Variants in NUP37 observed in about 807,000 individuals in gnomAD.
The protein encoded by NUP37 is nucleoporin 37.
In NUP37, 33 loss-of-function variants were observed where a neutral mutation model predicts 45.4. The ratio of observed to expected loss-of-function variants is 0.73; its 90% CI spans 0.55 to 0.97. The LOEUF is 0.97. Ranked by LOEUF, NUP37 falls within the 50% of genes least tolerant of loss-of-function variation. The pLI, the probability that NUP37 is intolerant of heterozygous loss-of-function variation, is 0.00. For missense variants in NUP37, 365 were observed against 389.7 expected (o/e 0.94, Z 0.53); for synonymous variants, 127 against 130.7 (o/e 0.97, Z 0.19).
At chr12:102,108,097 T>C (rs996686923) in intron 3 of NUP37, among the ~76,000 whole-genome samples, 2 of 152,120 alleles carry the variant, frequency 1.3e-5, no homozygotes, top group Admixed American at 1.3e-4. Flanking sequence ...TGGTTCTGGG[T>C]GTATCTGGGT....
At chr12:102,119,693 C>T (rs1339356385) in intron 1 of NUP37, among the ~76,000 whole-genome samples, 1 of 152,066 alleles carries the variant, frequency 6.6e-6, no homozygotes, top group African/African-American at 2.4e-5. Flanking sequence ...GAAGGGTGAC[C>T]AGCAAGTGTT....
intron 2 of NUP37, among the ~76,000 whole-genome samples, chr12:102,113,567 A>T (rs916388435): frequency 7.2e-5 from 11 of 152,206 alleles, no homozygotes; most frequent in African/African-American, 2.7e-4. Flanking sequence ...AAAATAAGTA[A>T]ATCATCCTTC....
At chr12:102,090,250 G>A (rs760688780) in intron 5 of NUP37, among the ~76,000 whole-genome samples, 18 of 149,096 alleles carry the variant, frequency 1.2e-4, no homozygotes, top group Non-Finnish European at 2.2e-4. Context: ...TTTTTTTTGC[G>A]TTTTATTTGC....
At chr12:102,116,155 CAT>C (rs1232016412) in intron 2 of NUP37, among the ~76,000 whole-genome samples, 1 of 152,086 alleles carries the variant, frequency 6.6e-6, no homozygotes, top group African/African-American at 2.4e-5. Context: ...TCTTTTTTCT[CAT>C]GTTAGTCATT....
intron 5 of NUP37, among the ~76,000 whole-genome samples, chr12:102,087,859 T>C (rs1879516279): frequency 6.6e-6 from 1 of 152,176 alleles, no homozygotes; most frequent in South Asian, 2.1e-4. Context: ...AGGTAGAAAA[T>C]ATGGATAAAA....
rs767695608 is a variant in NUP37 at position 102,101,017 on chromosome 12, T to C, written c.354+15A>G. ...TTAAAATAAGCTCTAAAGATTTATA[T>C]GGTTGTCAACATACCTTATATTCAT... On this transcript the variant is annotated intron_variant, in intron 4 of 9. Transcript: ENST00000552283. The C allele has an allele frequency of 1.4e-6, 2 of 1,400,548 alleles. No individual in the cohort carries two copies. The highest frequency in any genetic ancestry group is 2.6e-5 in the South Asian group (2 of 76,146). 86.8% of individuals were successfully genotyped at this position (1,400,548 alleles called of 1,614,324 possible). A position where few individuals can be genotyped will look rare whatever the true frequency, so the allele number is the denominator to read the frequency against.
Position 102,085,763 on chromosome 12 carries a change from A to G in NUP37, c.540+3T>C, listed in dbSNP as rs371141703. On this transcript the variant is annotated splice_donor_region_variant and intron_variant, in intron 6 of 9. Coordinates refer to ENST00000552283, the MANE Select transcript of NUP37 (RefSeq NM_024057.4). ...ATAAGAGAGTTAAATTATAAATAAT[A>G]ACCTTAAAAGTCTCCTCAGGATGCC... is the stretch of plus-strand genomic sequence containing the variant. 6.9e-7 allele frequency: 1 copy of G among 1,451,172 alleles called. No individual in the cohort carries two copies. The highest frequency in any genetic ancestry group is 9.5e-7 in the Non-Finnish European group (1 of 1,048,706). 89.9% of individuals were successfully genotyped at this position (1,451,172 alleles called of 1,614,324 possible).
intron 5 of NUP37, among the ~76,000 whole-genome samples, chr12:102,091,498 C>A (rs1879654911): frequency 6.7e-6 from 1 of 150,370 alleles, no homozygotes; most frequent in African/African-American, 2.4e-5. Context: ...GATGATAGAC[C>A]ATTTCTCAAA....
chr12:102,078,203 C>T (rs1198796969), intron 6 of NUP37, among the ~76,000 whole-genome samples: 3 of 151,352 alleles, frequency 2.0e-5, no homozygotes, highest in African/African-American at 4.9e-5. Context: ...TGGTGGCATG[C>T]GCGTAATCCT....
At chr12:102,088,115 A>G (rs2136723608) in intron 5 of NUP37, among the ~76,000 whole-genome samples, 1 of 152,338 alleles carries the variant, frequency 6.6e-6, no homozygotes, top group East Asian at 1.9e-4. Context: ...ACACAATCCA[A>G]GTAGTAAGTA....
chr12:102,109,360 T>A (rs1463908248), intron 3 of NUP37, among the ~76,000 whole-genome samples: 2 of 152,172 alleles, frequency 1.3e-5, no homozygotes, highest in African/African-American at 4.8e-5. Flanking sequence ...AGTTATACCT[T>A]AGTCATGGTG....
At position 102,118,359 on chromosome 12, in the gene NUP37, TAACCTGA is replaced by T. The variant is rs770156086; in HGVS notation, c.153_156+3del. ...TGTCATTCGGTGCAGTTTTGTAGACTAACCTGAAACGTACACGTGCCAATGACCACAT... is the reference window on the plus strand; with the variant it reads ...TGTCATTCGGTGCAGTTTTGTAGACTAACGTACACGTGCCAATGACCACAT... On this transcript the variant is annotated splice_donor_variant and splice_donor_region_variant and coding_sequence_variant and intron_variant, in exon 2 of 10. Transcript: ENST00000552283. LOFTEE classifies it high-confidence loss of function. The T allele has an allele frequency of 1.2e-6, 2 of 1,610,558 alleles. No individual in the cohort carries two copies. The highest frequency in any genetic ancestry group is 3.4e-5 in the Admixed American group (2 of 59,298).
At chr12:102,086,886 C>A (rs1453932327) in intron 5 of NUP37, among the ~76,000 whole-genome samples, 1 of 152,198 alleles carries the variant, frequency 6.6e-6, no homozygotes, top group Non-Finnish European at 1.5e-5. Context: ...GAGTTCAAGA[C>A]CAGCCTGGCA....
intron 1 of NUP37, among the ~76,000 whole-genome samples, chr12:102,118,819 G>T (rs1594405651): frequency 1.3e-5 from 2 of 152,286 alleles, no homozygotes; most frequent in Middle Eastern, 6.8e-3. Flanking sequence ...ACACTGCAAA[G>T]TTCTGTTTAG....
In NUP37 at chr12:102,073,680, T is replaced by C. The variant is rs1250138718; in HGVS notation, c.*674A>G. The C allele has an allele frequency of 6.6e-6, 1 of 152,168 alleles. No homozygotes were observed. The highest frequency in any genetic ancestry group is 1.5e-5 in the Non-Finnish European group (1 of 68,038). 9.4% of individuals were successfully genotyped at this position (152,168 alleles called of 1,614,324 possible). The stretch of plus-strand genomic sequence containing the variant: ...CTTCCAGAATACCCTAAGATATTTT[T>C]TTCTCCTTGGATTTTTTTTCTTTTG... On this transcript the variant is annotated 3_prime_UTR_variant, in exon 10 of 10. Coordinates refer to ENST00000552283, the MANE Select transcript of NUP37 (RefSeq NM_024057.4).
intron 3 of NUP37, among the ~76,000 whole-genome samples, chr12:102,108,769 A>C (rs1880230282): frequency 6.6e-6 from 1 of 152,152 alleles, no homozygotes; most frequent in Non-Finnish European, 1.5e-5. Flanking sequence ...ACTCTAGACA[A>C]ATTTGCCACA....
At chr12:102,112,337 A>G in intron 2 of NUP37, 105 bp from the exon 3 acceptor site, 2 of 865,866 alleles carry the variant, frequency 2.3e-6, no homozygotes, top group East Asian at 3.0e-5. Context: ...TATGCTTTTG[A>G]AAAGTTCAAA....
rs1332522903 is a variant in NUP37, at chr12:102,107,825, C to T, written c.281+4283G>A. ...AATTAAGCTATATTGCTTAAGGATG[C>T]ATCAGTAACTGATAAAACTATAAAA... On this transcript the variant is annotated intron_variant, in intron 3 of 9. Transcript: ENST00000552283. Among the ~76,000 whole-genome samples, 4 of 151,922 alleles carry T rather than the reference C, an allele frequency of 2.6e-5. No individual in the cohort carries two copies. In the East Asian group the frequency reaches 5.8e-4, roughly 22 times the overall value.
intron 3 of NUP37, among the ~76,000 whole-genome samples, chr12:102,109,805 T>C (rs945687483): frequency 6.6e-5 from 10 of 151,612 alleles, no homozygotes; most frequent in African/African-American, 2.2e-4. Flanking sequence ...AAGGAAAGCA[T>C]AGAATACAAC....
Sources: gnomAD v4.1 joint callset for allele counts (sites outside exome capture counted in the v4.1 genomes callset) on GRCh38, gnomAD v4.1.1 for gene constraint, MANE v1.5 for transcripts, NCBI Gene and HGNC (gene_info 2026-07-23, HGNC 2026-07-21) for gene names.